The following FREM1 variants were observed in gnomAD, a reference collection of about 807,000 sequenced individuals.
The protein encoded by FREM1 is FRAS1-related extracellular matrix protein 1.
FREM1 carries 220 observed loss-of-function variants against 210.1 expected under a neutral mutation model. The ratio of observed to expected loss-of-function variants is 1.05; its 90% CI spans 0.94 to 1.17. The LOEUF (loss-of-function observed/expected upper bound fraction) is 1.17, where lower values mean the gene tolerates loss of function less well. Ranked by LOEUF, FREM1 falls within the 50% of genes most tolerant of loss-of-function variation. The probability of loss-of-function intolerance (pLI) is 0.00; values close to 1 mark genes in which losing one functional copy is unlikely to be tolerated. For missense variants in FREM1, 3,454 were observed against 2,675.5 expected, an observed-to-expected ratio of 1.29 and a Z score of -6.42; for synonymous variants, 1,189 against 980.2, an observed-to-expected ratio of 1.21 and a Z score of -3.98.
chr9:14,766,754 C>T (rs148109366), intron 27 of FREM1, among the ~76,000 whole-genome samples: 85 of 152,186 alleles, frequency 5.6e-4, no homozygotes, highest in African/African-American at 1.8e-3. Flanking sequence ...GAGGTTTCAC[C>T]CCTTCAAATA....
chr9:14,904,283 T>C (rs560833699), intron 1 of FREM1, among the ~76,000 whole-genome samples: 11 of 152,316 alleles, frequency 7.2e-5, no homozygotes, highest in African/African-American at 2.4e-4. Flanking sequence ...TGGTTCTCTC[T>C]GGTTAAACAT....
chr9:14,776,290 T>G (rs1405003025), intron 24 of FREM1, 87 bp from the exon 25 acceptor site: 1 of 1,387,160 alleles, frequency 7.2e-7, no homozygotes, highest in East Asian at 2.4e-5. Flanking sequence ...ACACCTTTAC[T>G]AAAGGGTATT....
chr9:14,879,354 A>G (rs1024310982), intron 1 of FREM1, among the ~76,000 whole-genome samples: 2 of 152,124 alleles, frequency 1.3e-5, no homozygotes, highest in African/African-American at 2.4e-5. Context: ...ATGCCACACC[A>G]TGAGACTTCC....
At chr9:14,905,701 C>A (rs1817567710) in intron 1 of FREM1, among the ~76,000 whole-genome samples, 1 of 152,090 alleles carries the variant, frequency 6.6e-6, no homozygotes, top group Admixed American at 6.6e-5. Flanking sequence ...GCAGCCTGGC[C>A]AACATGGCAA....
At chr9:14,882,125 G>A (rs1417419790) in intron 1 of FREM1, among the ~76,000 whole-genome samples, 1 of 152,132 alleles carries the variant, frequency 6.6e-6, no homozygotes, top group Non-Finnish European at 1.5e-5. Context: ...GTGTGTGTGT[G>A]TGACTCATGA....
At chr9:14,741,538 T>G (rs1370314789) in intron 35 of FREM1, among the ~76,000 whole-genome samples, 4 of 152,178 alleles carry the variant, frequency 2.6e-5, no homozygotes, top group Admixed American at 2.0e-4. Flanking sequence ...GCAGGTATGA[T>G]GAGGCATCTC....
intron 23 of FREM1, among the ~76,000 whole-genome samples, chr9:14,785,451 TTCATGATA>T (rs1411488485): frequency 6.6e-6 from 1 of 152,236 alleles, no homozygotes; most frequent in Non-Finnish European, 1.5e-5. Context: ...TGCACAAATG[TTCATGATA>T]TATTTTTTAA....
chr9:14,750,189 G>A lies in FREM1; in HGVS notation c.5495C>T (p.Pro1832Leu). The A allele has an allele frequency of 6.2e-7, 1 of 1,613,736 alleles. No individual in the cohort carries two copies. The highest frequency in any genetic ancestry group is 8.5e-7 in the Non-Finnish European group (1 of 1,179,746). The change falls in exon 30 of 37, where the codon CCT becomes CTT. Residue 1832 changes from proline (P) to leucine (L), a missense_variant. By Grantham distance (98) the Pro-to-Leu change is moderately conservative. Coordinates refer to ENST00000380880, the MANE Select transcript of FREM1 (RefSeq NM_001379081.2). ...CTTTGTGCCAAGAACTGCATTCACAGGGGAGTTCAGAATTACTTCAAAGAC... is the reference window on the plus strand; with the variant it reads ...CTTTGTGCCAAGAACTGCATTCACAAGGGAGTTCAGAATTACTTCAAAGAC... The part of the protein sequence containing the change: ...DEVFEVILNS[P>L]VNAVLGTKTK...
At chr9:14,792,620 A>C (rs1008379539) in intron 22 of FREM1, 123 bp downstream of exon 22, 18 of 718,936 alleles carry the variant, frequency 2.5e-5, no homozygotes, top group African/African-American at 3.6e-5. Context: ...GTAAAATTAA[A>C]TTTTCTACTT....
intron 2 of FREM1, among the ~76,000 whole-genome samples, chr9:14,865,795 T>A (rs993529404): frequency 6.6e-6 from 1 of 151,550 alleles, no homozygotes; most frequent in Non-Finnish European, 1.5e-5. Flanking sequence ...CAAGCACAAA[T>A]TCAACAAAAC....
At chr9:14,748,033 G>A (rs907910092) in intron 31 of FREM1, among the ~76,000 whole-genome samples, 10 of 152,186 alleles carry the variant, frequency 6.6e-5, no homozygotes, top group African/African-American at 1.7e-4. Context: ...ACATATGAGA[G>A]TATGCAATGG....
chr9:14,740,283 C>G, intron 35 of FREM1, 49 bp from the exon 36 acceptor site: 1 of 1,315,422 alleles, frequency 7.6e-7, no homozygotes, highest in Non-Finnish European at 1.1e-6. Context: ...GTTAACATTT[C>G]TGCTGATACG....
intron 25 of FREM1, among the ~76,000 whole-genome samples, chr9:14,772,343 G>A (rs1342599516): frequency 6.6e-6 from 1 of 152,064 alleles, no homozygotes; most frequent in Non-Finnish European, 1.5e-5. Context: ...CTGAGACTGA[G>A]TTCCATGCAG....
At chr9:14,744,340 C>A (rs755209920) in intron 35 of FREM1, among the ~76,000 whole-genome samples, 1 of 151,926 alleles carries the variant, frequency 6.6e-6, no homozygotes, top group Non-Finnish European at 1.5e-5. Context: ...ATTTAATAAC[C>A]ACTTACAATA....
intron 1 of FREM1, among the ~76,000 whole-genome samples, chr9:14,883,649 G>C (rs1223457577): frequency 6.6e-6 from 1 of 152,210 alleles, no homozygotes; most frequent in African/African-American, 2.4e-5. Context: ...ACCTCAAAAT[G>C]AGACGGTAAT....
Position 14,759,764 on chromosome 9 carries a change from G to C in FREM1, c.5334+8C>G. ...TTAGCTTGATAATTTACATTTCAGA[G>C]TCATTACCTTTATACCCACAAAGGC... On this transcript the variant is annotated splice_region_variant and intron_variant, in intron 28 of 36. Coordinates refer to ENST00000380880, the MANE Select transcript of FREM1 (RefSeq NM_001379081.2). 6.3e-7 allele frequency: 1 copy of C among 1,589,722 alleles called. No individual in the cohort carries two copies. Among genetic ancestry groups the C allele is most frequent in the Non-Finnish European group, 8.6e-7 (1 of 1,167,648 alleles).
chr9:14,838,636 C>T (rs1825068147), intron 10 of FREM1, among the ~76,000 whole-genome samples: 1 of 152,150 alleles, frequency 6.6e-6, no homozygotes, highest in Non-Finnish European at 1.5e-5. Flanking sequence ...GGTCTTATTT[C>T]CTCCTAGTTT....
intron 1 of FREM1, among the ~76,000 whole-genome samples, chr9:14,888,022 T>G (rs1269654736): frequency 6.6e-6 from 1 of 152,202 alleles, no homozygotes; most frequent in Non-Finnish European, 1.5e-5. Flanking sequence ...GGTGTCAAAC[T>G]CTTGACCTCA....
At position 14,737,215 on chromosome 9, in the gene FREM1, T is replaced by C; in HGVS notation, c.*181A>G. On this transcript the variant is annotated 3_prime_UTR_variant, in exon 37 of 37. Transcript: ENST00000380880. ...GATACAAAAATTGTATCTTATCTTGTAAAAAATATTTATTTATCAATCTTT... is the reference window on the plus strand; with the variant it reads ...GATACAAAAATTGTATCTTATCTTGCAAAAAATATTTATTTATCAATCTTT... The C allele has an allele frequency of 1.9e-6, 1 of 531,386 alleles. No homozygotes were observed. The highest frequency in any genetic ancestry group is 3.3e-5 in the South Asian group (1 of 30,538). 32.9% of individuals were successfully genotyped at this position (531,386 alleles called of 1,614,324 possible).
Sources: gnomAD v4.1 joint callset for allele counts (sites outside exome capture counted in the v4.1 genomes callset) on GRCh38, gnomAD v4.1.1 for gene constraint, MANE v1.5 for transcripts, NCBI Gene and HGNC (gene_info 2026-07-23, HGNC 2026-07-21) for gene names.